ARHGAP26: variants seen among roughly 807,000 people sequenced by gnomAD.
ARHGAP26 encodes rho GTPase-activating protein 26.
ARHGAP26 carries 38 observed loss-of-function variants against 104.8 expected under a neutral mutation model. The ratio of observed to expected loss-of-function variants is 0.36; its 90% confidence interval spans 0.28 to 0.48. The LOEUF (loss-of-function observed/expected upper bound fraction) is 0.48, where lower values mean the gene tolerates loss of function less well. Ranked by LOEUF, ARHGAP26 falls within the 20% of genes least tolerant of loss-of-function variation. ARHGAP26 has a pLI of 0.99. For synonymous variants in ARHGAP26, 341 were observed against 340.0 expected (o/e 1.00, Z -0.03); for missense variants, 704 against 947.9 (o/e 0.74, Z 3.38).
At chr5:142,812,302 A>G (rs544015050) in intron 1 of ARHGAP26, among the ~76,000 whole-genome samples, 38 of 151,880 alleles carry the variant, frequency 2.5e-4, no homozygotes, top group Non-Finnish European at 4.4e-4. Context: ...TGCCCAGGCT[A>G]GAGTGTAGTG....
At chr5:142,875,962 C>T (rs13163572) in intron 3 of ARHGAP26, among the ~76,000 whole-genome samples, 12,492 of 152,206 alleles carry the variant, frequency 0.082, 1,426 homozygotes, top group African/African-American at 0.25. Flanking sequence ...AGGCTGATCT[C>T]GAACTCCAAA....
rs764849717 is a variant in ARHGAP26, at chr5:142,770,930, C to T, written c.154+15C>T. The stretch of plus-strand genomic sequence containing the variant: ...CGCGCTCAAGAGTGAGTGTCCCGAG[C>T]CCCTCGGGGACGCGGCTCCGGGGCG... On this transcript the variant is annotated intron_variant, in intron 1 of 22. Transcript: ENST00000645722. 2 of 1,597,358 alleles carry T rather than the reference C, an allele frequency of 1.3e-6. No homozygotes were observed. Among genetic ancestry groups the T allele is most frequent in the South Asian group, 1.1e-5 (1 of 89,730 alleles).
At chr5:142,937,638 T>A (rs542873330) in intron 11 of ARHGAP26, among the ~76,000 whole-genome samples, 12 of 152,166 alleles carry the variant, frequency 7.9e-5, no homozygotes, top group Non-Finnish European at 1.2e-4. Context: ...AAACTGGAAG[T>A]ACTACAGATG....
chr5:143,098,200 A>G (rs1355849758), intron 17 of ARHGAP26, among the ~76,000 whole-genome samples: 2 of 152,200 alleles, frequency 1.3e-5, no homozygotes, highest in East Asian at 1.9e-4. Flanking sequence ...ATATTTGACC[A>G]TAAGTTCTAA....
At chr5:143,120,696 A>G (rs1444165083) in intron 17 of ARHGAP26, among the ~76,000 whole-genome samples, 1 of 152,240 alleles carries the variant, frequency 6.6e-6, no homozygotes, top group East Asian at 1.9e-4. Flanking sequence ...ACAGGGATTC[A>G]GATGTTCAAA....
chr5:142,937,567 G>C (rs1457325251), intron 11 of ARHGAP26, among the ~76,000 whole-genome samples: 2 of 152,180 alleles, frequency 1.3e-5, no homozygotes, highest in South Asian at 2.1e-4. Context: ...AATGAAAACT[G>C]TTCGCACAAA....
intron 10 of ARHGAP26, among the ~76,000 whole-genome samples, chr5:142,931,762 C>T (rs1417329919): frequency 6.6e-6 from 1 of 152,158 alleles, no homozygotes; most frequent in African/African-American, 2.4e-5. Flanking sequence ...AGGAATTGAA[C>T]AACGTCTAAA....
intron 11 of ARHGAP26, among the ~76,000 whole-genome samples, chr5:143,005,129 C>T (rs1414004798): frequency 6.6e-6 from 1 of 151,964 alleles, no homozygotes; most frequent in Non-Finnish European, 1.5e-5. Context: ...GCAACAGAAA[C>T]ACAACTAAAA....
chr5:142,942,073 A>G (rs1766439473), intron 11 of ARHGAP26, among the ~76,000 whole-genome samples: 1 of 152,130 alleles, frequency 6.6e-6, no homozygotes, highest in South Asian at 2.1e-4. Context: ...GCATTCAGCA[A>G]GTATTTGTTA....
At chr5:142,782,008 C>A (rs1447461212) in intron 1 of ARHGAP26, among the ~76,000 whole-genome samples, 1 of 152,182 alleles carries the variant, frequency 6.6e-6, no homozygotes, top group Non-Finnish European at 1.5e-5. Context: ...AGCCACTGCG[C>A]CTGGCCGATT....
At chr5:142,886,867 A>G (rs1425578564) in intron 5 of ARHGAP26, among the ~76,000 whole-genome samples, 2 of 152,196 alleles carry the variant, frequency 1.3e-5, no homozygotes, top group African/African-American at 4.8e-5. Flanking sequence ...CTTTTTAGTT[A>G]TTCTTCTGGC....
chr5:142,901,607 G>A (rs555382774), intron 6 of ARHGAP26, among the ~76,000 whole-genome samples: 6 of 152,340 alleles, frequency 3.9e-5, no homozygotes, highest in African/African-American at 1.4e-4. Flanking sequence ...CAGGGCAAGG[G>A]CATGGGTGTT....
At chr5:143,100,337 TAATA>T (rs1793030887) in intron 17 of ARHGAP26, among the ~76,000 whole-genome samples, 1 of 152,206 alleles carries the variant, frequency 6.6e-6, no homozygotes, top group Admixed American at 6.5e-5. Context: ...AACCCTTGAA[TAATA>T]AATAAGAGCC....
At chr5:143,064,380 G>A (rs968613005) in intron 17 of ARHGAP26, among the ~76,000 whole-genome samples, 1 of 150,726 alleles carries the variant, frequency 6.6e-6, no homozygotes. Flanking sequence ...GGCTAAGGGA[G>A]TTACTTCCTT....
intron 5 of ARHGAP26, among the ~76,000 whole-genome samples, chr5:142,887,986 A>G (rs1391728090): frequency 3.3e-5 from 5 of 152,110 alleles, no homozygotes; most frequent in Admixed American, 1.3e-4. Context: ...AAAACCAAAC[A>G]TCAAAAAACA....
intron 1 of ARHGAP26, among the ~76,000 whole-genome samples, chr5:142,868,434 G>T (rs1212190586): frequency 6.6e-6 from 1 of 152,170 alleles, no homozygotes; most frequent in African/African-American, 2.4e-5. Context: ...ACTGGGTGGA[G>T]AACTGATTTG....
At chr5:142,971,909 C>T (rs968615726) in intron 11 of ARHGAP26, among the ~76,000 whole-genome samples, 5 of 152,092 alleles carry the variant, frequency 3.3e-5, no homozygotes, top group African/African-American at 1.2e-4. Context: ...GGGCCAGGCA[C>T]GGTGGCTCAC....
chr5:142,778,738 GGAATGGTT>G (rs1756871926), intron 1 of ARHGAP26, among the ~76,000 whole-genome samples: 1 of 152,196 alleles, frequency 6.6e-6, no homozygotes, highest in Non-Finnish European at 1.5e-5. Context: ...TCCTTCAAGT[GGAATGGTT>G]GCTGGCTCCA....
chr5:143,161,689 C>G (rs932231314), intron 20 of ARHGAP26, among the ~76,000 whole-genome samples: 11 of 152,188 alleles, frequency 7.2e-5, no homozygotes, highest in African/African-American at 2.4e-4. Context: ...ATAAGATCAC[C>G]TGCTTTGTGC....
Sources: allele counts gnomAD v4.1 joint callset (sites outside exome capture counted in the v4.1 genomes callset), GRCh38; gene constraint gnomAD v4.1.1; transcripts MANE v1.5; gene names NCBI Gene and HGNC (gene_info 2026-07-23, HGNC 2026-07-21).